Variants in CFAP299 observed in about 807,000 individuals in gnomAD.
CFAP299 encodes the protein cilia- and flagella-associated protein 299.
CFAP299 carries 21 observed loss-of-function variants against 27.0 expected under a neutral mutation model. The ratio of observed to expected loss-of-function variants is 0.78; its 90% confidence interval spans 0.55 to 1.12. The LOEUF is 1.12. Ranked by LOEUF, CFAP299 falls within the 50% of genes most tolerant of loss-of-function variation. CFAP299 has a pLI of 0.00. For missense variants in CFAP299, 310 were observed against 276.6 expected (o/e 1.12, Z -0.86); for synonymous variants, 104 against 98.1 (o/e 1.06, Z -0.36).
chr4:80,755,324 A>G (rs898481752), intron 3 of CFAP299, among the ~76,000 whole-genome samples: 3 of 152,134 alleles, frequency 2.0e-5, no homozygotes, highest in Non-Finnish European at 2.9e-5. Flanking sequence ...AATAAAAATT[A>G]TGAGTGAGAA....
At chr4:80,572,989 C>T (rs1735670656) in intron 2 of CFAP299, among the ~76,000 whole-genome samples, 1 of 152,024 alleles carries the variant, frequency 6.6e-6, no homozygotes, top group Non-Finnish European at 1.5e-5. Flanking sequence ...ATAGGCTTAG[C>T]AGTGGGATTG....
At position 80,504,102 on chromosome 4, in the gene CFAP299, C is replaced by T. The variant is rs139066571; in HGVS notation, c.243-78991C>T. On this transcript the variant is annotated intron_variant, in intron 2 of 5. Coordinates refer to ENST00000358105, the MANE Select transcript of CFAP299 (RefSeq NM_152770.3). ...TAAAAGGGTGGTATATGGCATGTCT[C>T]ATGCTTATTATGGGGAGGAGATCGG... is the stretch of plus-strand genomic sequence containing the variant. Among the ~76,000 whole-genome samples, 5 of 152,084 alleles carry T rather than the reference C, an allele frequency of 3.3e-5. No individual in the cohort carries two copies. The East Asian group carries it at 7.8e-4, about 24-fold the overall frequency.
intron 5 of CFAP299, among the ~76,000 whole-genome samples, chr4:80,949,546 C>CA (rs66476856): frequency 0.18 from 7,792 of 42,916 alleles, 278 homozygotes; most frequent in East Asian, 0.37. Flanking sequence ...ACAACAACAA[C>CA]AAAAAAAAAA....
intron 3 of CFAP299, among the ~76,000 whole-genome samples, chr4:80,868,702 A>T (rs915912102): frequency 3.1e-4 from 47 of 152,060 alleles, no homozygotes; most frequent in African/African-American, 1.1e-3. Context: ...TTGCCAGGGC[A>T]TCAATGCATT....
intron 3 of CFAP299, among the ~76,000 whole-genome samples, chr4:80,591,102 GAA>G (rs142118325): frequency 2.0e-4 from 19 of 96,576 alleles, no homozygotes; most frequent in Non-Finnish European, 3.0e-4. Flanking sequence ...AATACTTTAG[GAA>G]ATTTTTTTTT....
At chr4:80,826,078 A>G (rs1729970551) in intron 3 of CFAP299, among the ~76,000 whole-genome samples, 1 of 151,878 alleles carries the variant, frequency 6.6e-6, no homozygotes. Context: ...TGATAACGAT[A>G]ATGAAAGGAG....
rs201821328 is a variant in CFAP299, at chr4:80,775,573, G to A, written c.334-94420G>A. ...AACACACTCTTCAGGTTTCATCAAA[G>A]TAGTCTTTGCACTAGACTACACTGC... On this transcript the variant is annotated intron_variant, in intron 3 of 5. Transcript: ENST00000358105. Among the ~76,000 whole-genome samples, 3 of 151,900 alleles carry A rather than the reference G, an allele frequency of 2.0e-5. No homozygotes were observed. The East Asian group carries it at 5.8e-4, about 29-fold the overall frequency.
rs778142287 is a variant in CFAP299 at position 80,952,282 on chromosome 4, C to G, written c.606+7343C>G. Among the ~76,000 whole-genome samples, 6 of 151,880 alleles carry G rather than the reference C, an allele frequency of 4.0e-5. No homozygotes were observed. In the South Asian group the frequency reaches 1.2e-3, roughly 32 times the overall value. On this transcript the variant is annotated intron_variant, in intron 5 of 5. Coordinates refer to ENST00000358105, the MANE Select transcript of CFAP299 (RefSeq NM_152770.3). Reference sequence around the variant, plus strand: ...TTTGCTAAAGAAATGAATGGTAGGGCCAAAAATAATTCTTAAAAAAAATTG... The same window carrying G: ...TTTGCTAAAGAAATGAATGGTAGGGGCAAAAATAATTCTTAAAAAAAATTG...
At chr4:80,696,044 G>A (rs2110022053) in intron 3 of CFAP299, among the ~76,000 whole-genome samples, 1 of 152,194 alleles carries the variant, frequency 6.6e-6, no homozygotes, top group East Asian at 1.9e-4. Flanking sequence ...GCTCACACCT[G>A]TAATCCCAGC....
chr4:80,582,892 G>A (rs1736240225), intron 2 of CFAP299, among the ~76,000 whole-genome samples: 1 of 151,684 alleles, frequency 6.6e-6, no homozygotes, highest in South Asian at 2.1e-4. Flanking sequence ...ATTATTTAAA[G>A]GCTTGATTCC....
chr4:80,504,631 A>G (rs1731924135), intron 2 of CFAP299, among the ~76,000 whole-genome samples: 1 of 147,468 alleles, frequency 6.8e-6, no homozygotes, highest in Admixed American at 6.8e-5. Context: ...TAGTTTGTTT[A>G]TTAAGATCTT....
intron 2 of CFAP299, among the ~76,000 whole-genome samples, chr4:80,391,513 C>T (rs1239179287): frequency 6.6e-6 from 1 of 152,130 alleles, no homozygotes; most frequent in African/African-American, 2.4e-5. Context: ...TGTATAACAA[C>T]ATTTTGATCA....
At chr4:80,469,629 CA>C in intron 2 of CFAP299, among the ~76,000 whole-genome samples, 1 of 152,170 alleles carries the variant, frequency 6.6e-6, no homozygotes, top group East Asian at 1.9e-4. Flanking sequence ...GTCTCCAATT[CA>C]AAAGACCAGG....
At position 80,622,566 on chromosome 4, in the gene CFAP299, AT is replaced by A. The variant is rs201284249; in HGVS notation, c.333+39389del. On this transcript the variant is annotated intron_variant, in intron 3 of 5. Transcript: ENST00000358105. ...TATAATAACTTGACTGGCCTTTATA[AT>A]TTTTTATTGTCAATATGTTTCTAAT... Among the ~76,000 whole-genome samples, 1,015 of 152,252 alleles carry A rather than the reference AT, an allele frequency of 6.7e-3. 11 individuals carry two copies. The highest frequency in any genetic ancestry group is 0.023 in the African/African-American group (965 of 41,534).
intron 3 of CFAP299, among the ~76,000 whole-genome samples, chr4:80,675,377 A>T (rs911458974): frequency 2.0e-5 from 3 of 152,166 alleles, no homozygotes; most frequent in Non-Finnish European, 4.4e-5. Context: ...CAAATATTGC[A>T]GAGCAGCAAA....
chr4:80,954,030 C>T (rs1004454247), intron 5 of CFAP299, among the ~76,000 whole-genome samples: 1 of 152,180 alleles, frequency 6.6e-6, no homozygotes, highest in Admixed American at 6.5e-5. Flanking sequence ...AGTTCACGCT[C>T]ACTTTCTCAC....
At chr4:80,624,801 A>G (rs1298453148) in intron 3 of CFAP299, among the ~76,000 whole-genome samples, 2 of 152,166 alleles carry the variant, frequency 1.3e-5, no homozygotes, top group Non-Finnish European at 2.9e-5. Flanking sequence ...CCTCAGCAGA[A>G]ACTCTATAGT....
chr4:80,492,510 G>C (rs1051345172), intron 2 of CFAP299, among the ~76,000 whole-genome samples: 1 of 149,138 alleles, frequency 6.7e-6, no homozygotes, highest in Non-Finnish European at 1.5e-5. Flanking sequence ...TTTAAAAGCA[G>C]AGTTTTTATG....
chr4:80,895,478 G>T (rs529573492), intron 4 of CFAP299, among the ~76,000 whole-genome samples: 3 of 152,078 alleles, frequency 2.0e-5, no homozygotes, highest in Admixed American at 2.0e-4. Context: ...GGCTTGAAAA[G>T]TCAGGTTATT....
Sources: allele counts gnomAD v4.1 joint callset (sites outside exome capture counted in the v4.1 genomes callset), GRCh38; gene constraint gnomAD v4.1.1; transcripts MANE v1.5; gene names NCBI Gene and HGNC (gene_info 2026-07-23, HGNC 2026-07-21).